CSMD3: variants seen among roughly 807,000 people sequenced by gnomAD.
The protein encoded by CSMD3 is CUB and Sushi multiple domains 3.
Under a neutral mutation model 435.2 loss-of-function variants are expected in CSMD3, and 177 were observed. That is an observed-to-expected ratio of 0.41 (90% CI 0.36 to 0.46). The LOEUF (loss-of-function observed/expected upper bound fraction) is 0.46, where lower values mean the gene tolerates loss of function less well. CSMD3 is among the 20% of genes least tolerant of loss of function. The pLI is 0.34. For synonymous variants in CSMD3, 1,656 were observed against 1,520.5 expected (o/e 1.09, Z -2.07); for missense variants, 4,265 against 4,504.6 (o/e 0.95, Z 1.52).
intron 1 of CSMD3, among the ~76,000 whole-genome samples, chr8:113,393,644 G>A (rs754645393): frequency 2.0e-5 from 3 of 152,164 alleles, no homozygotes; most frequent in East Asian, 1.9e-4. Flanking sequence ...TAGTTTCACC[G>A]GTGGTACAAT....
At chr8:112,550,527 T>G in intron 27 of CSMD3, 144 bp downstream of exon 27, 1 of 584,642 alleles carries the variant, frequency 1.7e-6, no homozygotes, top group Non-Finnish European at 3.0e-6. Context: ...ATTTTACCTT[T>G]GCTGCAGAAA....
intron 4 of CSMD3, among the ~76,000 whole-genome samples, chr8:113,123,061 CAT>C (rs377441734): frequency 1.5e-4 from 22 of 150,298 alleles, no homozygotes; most frequent in Middle Eastern, 6.8e-3. Context: ...AGTGAAGTCA[CAT>C]GTTAGCTTTT....
chr8:112,822,291 CT>C (rs930380124), intron 12 of CSMD3, among the ~76,000 whole-genome samples: 2 of 151,748 alleles, frequency 1.3e-5, no homozygotes, highest in African/African-American at 4.8e-5. Flanking sequence ...AGCATGGAAT[CT>C]TTTTTTTCAC....
intron 8 of CSMD3, among the ~76,000 whole-genome samples, chr8:112,949,729 A>C (rs10505196): frequency 0.43 from 64,883 of 151,864 alleles, 14,672 homozygotes; most frequent in East Asian, 0.79. Flanking sequence ...CACAGTTCTT[A>C]TTACTGCTCA....
chr8:112,917,247 T>A (rs78720594), intron 10 of CSMD3, among the ~76,000 whole-genome samples: 1 of 151,944 alleles, frequency 6.6e-6, no homozygotes, highest in Non-Finnish European at 1.5e-5. Context: ...CTACTGTCCA[T>A]GAAATGATTA....
At chr8:113,152,052 T>C (rs13265871) in intron 4 of CSMD3, among the ~76,000 whole-genome samples, 1 of 151,956 alleles carries the variant, frequency 6.6e-6, no homozygotes, top group Non-Finnish European at 1.5e-5. Flanking sequence ...TGTCCAGCAG[T>C]GGGACCACTA....
chr8:112,693,823 A>G (rs1241750771), intron 13 of CSMD3, among the ~76,000 whole-genome samples: 1 of 151,736 alleles, frequency 6.6e-6, no homozygotes, highest in East Asian at 1.9e-4. Flanking sequence ...CAAACTTTCA[A>G]CTTCTCATTT....
chr8:113,020,169 C>CAAAA (rs1163891165), intron 5 of CSMD3, among the ~76,000 whole-genome samples: 13 of 84,624 alleles, frequency 1.5e-4, no homozygotes, highest in East Asian at 3.2e-4. Context: ...GACTCCGTCT[C>CAAAA]AAAAAAAAAA....
At chr8:113,051,408 T>C (rs898947792) in intron 5 of CSMD3, among the ~76,000 whole-genome samples, 23 of 152,280 alleles carry the variant, frequency 1.5e-4, no homozygotes, top group Admixed American at 4.6e-4. Context: ...AGTATCTCCA[T>C]TCTGACAACA....
At chr8:112,881,486 A>T (rs2081446778) in intron 10 of CSMD3, among the ~76,000 whole-genome samples, 1 of 152,046 alleles carries the variant, frequency 6.6e-6, no homozygotes, top group South Asian at 2.1e-4. Flanking sequence ...ATATGTTTCT[A>T]TGAATTGTTA....
chr8:112,834,805 A>C (rs950377556), intron 11 of CSMD3, among the ~76,000 whole-genome samples: 1 of 151,852 alleles, frequency 6.6e-6, no homozygotes, highest in Non-Finnish European at 1.5e-5. Flanking sequence ...GAAAAATATT[A>C]TGCATTTAGT....
chr8:112,246,886 T>C (rs1814785478), intron 64 of CSMD3, 134 bp downstream of exon 64: 2 of 708,332 alleles, frequency 2.8e-6, no homozygotes, highest in Non-Finnish European at 5.0e-6. Context: ...TAAAATTATA[T>C]GCATATAATA....
At chr8:112,783,497 AGGGAGGGAG>A (rs2078454428) in intron 13 of CSMD3, among the ~76,000 whole-genome samples, 1 of 69,856 alleles carries the variant, frequency 1.4e-5, no homozygotes. Context: ...GAAGGGAGGG[AGGGAGGGAG>A]GAAGGGAGGG....
chr8:112,518,627 TGTGAGA>T lies in CSMD3; in HGVS notation c.4565-1408_4565-1403del, dbSNP rs1284636448. Among the ~76,000 whole-genome samples, 533 of 133,014 alleles carry T rather than the reference TGTGAGA, an allele frequency of 4.0e-3. 11 individuals carry two copies. The East Asian group carries it at 0.066, about 16-fold the overall frequency. 87.3% of individuals were successfully genotyped at this position (133,014 alleles called of 152,430 possible). A position where few individuals can be genotyped will look rare whatever the true frequency, so the allele number is the denominator to read the frequency against. On this transcript the variant is annotated intron_variant, in intron 27 of 70. Transcript: ENST00000297405. ...AAAATGGTGTGTGTGTGTGTGTGTG[TGTGAGA>T]GAGAGAGAGAGAGAGAGAGAGAGGG...
At chr8:112,640,203 C>T (rs1264746581) in intron 20 of CSMD3, among the ~76,000 whole-genome samples, 1 of 152,062 alleles carries the variant, frequency 6.6e-6, no homozygotes, top group African/African-American at 2.4e-5. Flanking sequence ...AACACACACA[C>T]TCAAATACAC....
At chr8:112,576,558 G>T in intron 23 of CSMD3, among the ~76,000 whole-genome samples, 1 of 151,036 alleles carries the variant, frequency 6.6e-6, no homozygotes, top group East Asian at 1.9e-4. Flanking sequence ...TTTTTTGACA[G>T]GGTGTCTGTT....
chr8:112,284,730 C>T (rs763954405), intron 58 of CSMD3, among the ~76,000 whole-genome samples: 4 of 151,846 alleles, frequency 2.6e-5, no homozygotes, highest in Non-Finnish European at 5.9e-5. Context: ...CCTTGGAAAA[C>T]ATTCCACAAA....
chr8:112,739,532 T>C (rs1472204610), intron 13 of CSMD3, among the ~76,000 whole-genome samples: 2 of 151,802 alleles, frequency 1.3e-5, no homozygotes, highest in African/African-American at 4.8e-5. Context: ...CAAATTCAAT[T>C]TGGCATTTCC....
intron 5 of CSMD3, among the ~76,000 whole-genome samples, chr8:113,085,729 G>T (rs745680436): frequency 6.6e-6 from 1 of 152,108 alleles, no homozygotes; most frequent in Non-Finnish European, 1.5e-5. Context: ...AAAAAAAATG[G>T]TGCTCATAGA....
Sources: gnomAD v4.1 joint callset for allele counts (sites outside exome capture counted in the v4.1 genomes callset) on GRCh38, gnomAD v4.1.1 for gene constraint, MANE v1.5 for transcripts, NCBI Gene and HGNC (gene_info 2026-07-23, HGNC 2026-07-21) for gene names.